Variants in KIF17 observed in about 807,000 individuals in gnomAD.
KIF17 encodes kinesin family member 17, also known as kinesin-like protein KIF17.
A neutral mutation model predicts 96.8 loss-of-function variants in KIF17; 80 were observed. The observed-to-expected ratio is 0.83, with a 90% confidence interval of 0.69 to 1.00. The LOEUF (loss-of-function observed/expected upper bound fraction) is 1.00, where lower values mean the gene tolerates loss of function less well. KIF17 is among the 50% of genes least tolerant of loss of function. The pLI is 0.00. For synonymous variants in KIF17, 567 were observed against 587.5 expected, an observed-to-expected ratio of 0.97 and a Z score of 0.51; for missense variants, 1,280 against 1,372.9, an observed-to-expected ratio of 0.93 and a Z score of 1.07.
chr1:20,717,550 T>A lies in KIF17; in HGVS notation c.157A>T (p.Thr53Ser). 6.2e-7 allele frequency: 1 copy of A among 1,611,308 alleles called. No individual in the cohort carries two copies. Residue 53 changes from threonine to serine, a missense_variant, in exon 1 of 15, where the codon ACC becomes TCC. Thr to Ser is a moderately conservative substitution (Grantham distance 58). Coordinates refer to ENST00000400463, the MANE Select transcript of KIF17 (RefSeq NM_001122819.3). ...GAADEPPKQFTFDGAYHVDHV... is the reference protein window; with the variant it reads ...GAADEPPKQFSFDGAYHVDHV... ...TCCACGTGGTAGGCGCCGTCGAAGG[T>A]GAACTGCTTGGGCGGCTCGTCGGCG...
intron 3 of KIF17, among the ~76,000 whole-genome samples, chr1:20,710,520 C>T (rs537161107): frequency 3.3e-5 from 5 of 152,270 alleles, no homozygotes; most frequent in South Asian, 2.1e-4. Flanking sequence ...CATTTTGCTG[C>T]GGACACGGAG....
intron 2 of KIF17, among the ~76,000 whole-genome samples, chr1:20,714,633 C>T (rs1205686525): frequency 2.0e-5 from 3 of 151,868 alleles, no homozygotes; most frequent in African/African-American, 7.3e-5. Context: ...TCCATCTCTA[C>T]TAAAAGTACA....
rs112930242 is a variant in KIF17 at position 20,690,195 on chromosome 1, C to G, written c.1374G>C (p.Lys458Asn). The G allele has an allele frequency of 6.2e-7, 1 of 1,614,170 alleles. No individual in the cohort carries two copies. The highest frequency in any genetic ancestry group is 2.2e-5 in the East Asian group (1 of 44,872). Residue 458 changes from lysine to asparagine, a missense_variant, in exon 7 of 15, where the codon AAG becomes AAC. By Grantham distance (94) the Lys-to-Asn change is moderately conservative. Transcript: ENST00000400463. ...RLSTLEENLR[K>N]ETEAVLQVGV... ...GGGGCAAGGGGTGCCCACCTGTCTC[C>G]TTCCGCAGGTTCTCCTCCAGCGTGG...
rs866018451 is a variant in KIF17, at chr1:20,693,409, C to T, written c.1234-3074G>A. Among the ~76,000 whole-genome samples the T allele has an allele frequency of 7.3e-5, 11 of 151,674 alleles. No individual in the cohort carries two copies. The South Asian group carries it at 2.1e-3, about 29-fold the overall frequency. Reference sequence around the variant, plus strand: ...CCTCCCGAGAAGCTGGGACCACAGGCACCCACCACCACACTCGGCTAATTT... The same window carrying T: ...CCTCCCGAGAAGCTGGGACCACAGGTACCCACCACCACACTCGGCTAATTT... On this transcript the variant is annotated intron_variant, in intron 6 of 14. Coordinates refer to ENST00000400463, the MANE Select transcript of KIF17 (RefSeq NM_001122819.3).
chr1:20,698,437 A>G lies in KIF17; in HGVS notation c.1175T>C (p.Leu392Pro). 1 of 1,613,876 alleles carries G rather than the reference A, an allele frequency of 6.2e-7. No individual in the cohort carries two copies. The highest frequency in any genetic ancestry group is 1.1e-5 in the South Asian group (1 of 91,084). Residue 392 changes from leucine (L) to proline (P), a missense_variant, in exon 6 of 15, where the codon CTG (leucine) becomes CCG (proline). Physicochemically the swap from Leu to Pro is moderately conservative, Grantham distance 98 (BLOSUM62 -3). Coordinates refer to ENST00000400463, the MANE Select transcript of KIF17 (RefSeq NM_001122819.3). ...ATGCTGGATCACAGGTTGGGGCAACAGCTTCTCCTCCACCTGCACAGGGTC... is the reference window on the plus strand; with the variant it reads ...ATGCTGGATCACAGGTTGGGGCAACGGCTTCTCCTCCACCTGCACAGGGTC... The part of the protein sequence containing the change: ...PPDPVQVEEK[L>P]LPQPVIQHDV...
At chr1:20,708,723 G>T (rs1188877571) in intron 4 of KIF17, among the ~76,000 whole-genome samples, 2 of 152,182 alleles carry the variant, frequency 1.3e-5, no homozygotes, top group Non-Finnish European at 2.9e-5. Context: ...ATAAAATGAG[G>T]ATTCTAGTGC....
chr1:20,706,696 G>A (rs2054348001), intron 4 of KIF17, among the ~76,000 whole-genome samples: 1 of 151,070 alleles, frequency 6.6e-6, no homozygotes, highest in Non-Finnish European at 1.5e-5. Flanking sequence ...GACCAGCCTG[G>A]AAAACATGGC....
At position 20,688,563 on chromosome 1, in the gene KIF17, C is replaced by A. The variant is rs189147080; in HGVS notation, c.1382-619G>T. Among the ~76,000 whole-genome samples, 277 of 152,346 alleles carry A rather than the reference C, an allele frequency of 1.8e-3. 3 individuals carry two copies. Among genetic ancestry groups the A allele is most frequent in the Non-Finnish European group, 2.7e-3 (182 of 68,036 alleles). ...CTGAGTGCTGGGCTCTTAAGTCACA[C>A]CCAGCCTTGGGACCACTCTTCGCAC... On this transcript the variant is annotated intron_variant, in intron 7 of 14. Coordinates refer to ENST00000400463, the MANE Select transcript of KIF17 (RefSeq NM_001122819.3).
At chr1:20,715,911 C>T (rs1244280184) in intron 1 of KIF17, among the ~76,000 whole-genome samples, 1 of 152,212 alleles carries the variant, frequency 6.6e-6, no homozygotes, top group South Asian at 2.1e-4. Flanking sequence ...GACCGTGTGC[C>T]CTTGGGCTGG....
At chr1:20,684,344 G>A (rs1038044485) in intron 10 of KIF17, among the ~76,000 whole-genome samples, 7 of 152,336 alleles carry the variant, frequency 4.6e-5, no homozygotes, top group Admixed American at 1.3e-4. Flanking sequence ...CATGGAGGTC[G>A]GGCTGACATC....
At chr1:20,705,613 C>A (rs545795777) in intron 4 of KIF17, among the ~76,000 whole-genome samples, 1 of 152,200 alleles carries the variant, frequency 6.6e-6, no homozygotes, top group African/African-American at 2.4e-5. Context: ...AGTCTACGGT[C>A]CCCCATGTCT....
At position 20,713,471 on chromosome 1, in the gene KIF17, T is replaced by C; in HGVS notation, c.463A>G (p.Thr155Ala). ...GCACCCACCTCCAGCTTCTGCTTGG[T>C]GTCAGCCCCAAGGAGGTCCCGGACA... ...EDVRDLLGADTKQKLELKEHP... is the reference protein window; with the variant it reads ...EDVRDLLGADAKQKLELKEHP... Residue 155 changes from threonine (T) to alanine (A), a missense_variant, in exon 3 of 15, where the codon ACC becomes GCC. Transcript: ENST00000400463. The C allele has an allele frequency of 6.2e-7, 1 of 1,613,060 alleles. No homozygotes were observed. Among genetic ancestry groups the C allele is most frequent in the Non-Finnish European group, 8.5e-7 (1 of 1,179,648 alleles).
In KIF17 at chr1:20,670,510, T is replaced by C. The variant is rs776354125; in HGVS notation, c.2723-22A>G. The C allele has an allele frequency of 4.3e-6, 7 of 1,612,888 alleles. No individual in the cohort carries two copies. The Admixed American group carries it at 1.2e-4, about 27-fold the overall frequency. ...GAAACTGCTATGAGAAAACAAAAGC[T>C]GAAGTCACTGCTGCCTGGTGCAAGG... is the stretch of plus-strand genomic sequence containing the variant. On this transcript the variant is annotated intron_variant, in intron 12 of 14. Transcript: ENST00000400463.
At chr1:20,712,578 TTATCTATATATATATCTATATA>T (rs1276886070) in intron 3 of KIF17, among the ~76,000 whole-genome samples, 1 of 48,754 alleles carries the variant, frequency 2.1e-5, no homozygotes. Context: ...ATAGATAATA[TTATCTATATATATATCTATATA>T]TATCTATATA....
chr1:20,709,841 G>A lies in KIF17; in HGVS notation c.481-13C>T, dbSNP rs2054407183. ...GGTGCTCCTTCAGCTGAGGGAGGAGGAACAGTCAGGGGCGGAACCTCCAGC... is the reference window on the plus strand; with the variant it reads ...GGTGCTCCTTCAGCTGAGGGAGGAGAAACAGTCAGGGGCGGAACCTCCAGC... On this transcript the variant is annotated splice_polypyrimidine_tract_variant and intron_variant, in intron 3 of 14. Transcript: ENST00000400463. This position sits in a 1 kb window ranked among gnomAD's most constrained non-coding sequence, Gnocchi z 4.7. 1 of 1,595,128 alleles carries A rather than the reference G, an allele frequency of 6.3e-7. No individual in the cohort carries two copies. Among genetic ancestry groups the A allele is most frequent in the South Asian group, 1.1e-5 (1 of 89,194 alleles).
chr1:20,670,336 C>G (rs1300622794), intron 13 of KIF17, 85 bp downstream of exon 13: 1 of 1,311,448 alleles, frequency 7.6e-7, no homozygotes, highest in Non-Finnish European at 1.1e-6. Flanking sequence ...GGAAAACCAG[C>G]TCTCCACAGT....
chr1:20,677,167 T>C (rs976108388), intron 11 of KIF17, among the ~76,000 whole-genome samples: 10 of 152,192 alleles, frequency 6.6e-5, no homozygotes, highest in African/African-American at 2.2e-4. Flanking sequence ...GCTGTGATCG[T>C]GCCACTGCAC....
In KIF17 at chr1:20,685,348, G is replaced by A. The variant is rs931795966; in HGVS notation, c.2020-328C>T. 6.6e-5 allele frequency: 32 copies of A among 487,362 alleles called. No homozygotes were observed. Among genetic ancestry groups the A allele is most frequent in the Admixed American group, 5.6e-4 (22 of 39,376 alleles). The allele number at this position is 487,362 out of a possible 1,614,324, so 30.2% of individuals were successfully genotyped here. On this transcript the variant is annotated intron_variant, in intron 9 of 14. Coordinates refer to ENST00000400463, the MANE Select transcript of KIF17 (RefSeq NM_001122819.3). This position sits in a 1 kb window ranked among gnomAD's most constrained non-coding sequence, Gnocchi z 4.1. ...TGAGCCCCATGTGACTTCCCGTCAC[G>A]TTCGCAGGAAAGTCCACTTTCCTCC...
Position 20,690,287 on chromosome 1 carries a change from G to A in KIF17, c.1282C>T (p.Gln428Ter), listed in dbSNP as rs1307341539. The A allele has an allele frequency of 1.5e-5, 24 of 1,599,964 alleles. No individual in the cohort carries two copies. The highest frequency in any genetic ancestry group is 2.0e-5 in the Non-Finnish European group (24 of 1,175,290). Residue 428 changes from glutamine to a stop codon, truncating the protein, a stop_gained, in exon 7 of 15, where the codon CAG (glutamine) becomes TAG (stop). Transcript: ENST00000400463. LOFTEE classifies it high-confidence loss of function. Reference sequence around the variant, plus strand: ...TCCTCCAGCCTGGCCCGAGACTCCTGCTCGGCCTTATAGTCGGCTTTCAGC... The same window carrying A: ...TCCTCCAGCCTGGCCCGAGACTCCTACTCGGCCTTATAGTCGGCTTTCAGC... ...ARLKADYKAE[Q>*]ESRARLEEDI...
Sources: gnomAD v4.1 joint callset for allele counts (sites outside exome capture counted in the v4.1 genomes callset) on GRCh38, gnomAD v4.1.1 for gene constraint, Gnocchi (gnomAD v3.1) non-coding constraint, MANE v1.5 for transcripts, NCBI Gene and HGNC (gene_info 2026-07-23, HGNC 2026-07-21) for gene names.